The following ARPP21 variants were observed in gnomAD, a reference collection of about 807,000 sequenced individuals.
ARPP21 encodes cAMP-regulated phosphoprotein 21.
In ARPP21, 69 loss-of-function variants were observed where a neutral mutation model predicts 113.2. That is an observed-to-expected ratio of 0.61 (90% confidence interval 0.50 to 0.74). The LOEUF (loss-of-function observed/expected upper bound fraction) is 0.74. Among genes scored for constraint, ARPP21 ranks in the 30% least tolerant of loss-of-function variants. The pLI, the probability that ARPP21 is intolerant of heterozygous loss-of-function variation, is 0.00. For synonymous variants in ARPP21, 368 were observed against 375.5 expected (o/e 0.98, Z 0.23); for missense variants, 1,070 against 1,037.4 (o/e 1.03, Z -0.43).
At chr3:35,782,594 T>C (rs2151758187) in intron 19 of ARPP21, among the ~76,000 whole-genome samples, 1 of 152,220 alleles carries the variant, frequency 6.6e-6, no homozygotes, top group Non-Finnish European at 1.5e-5. Flanking sequence ...AGCTACTAGA[T>C]GATTCAGAGG....
At chr3:35,769,973 G>A (rs1202250909) in intron 19 of ARPP21, among the ~76,000 whole-genome samples, 2 of 152,116 alleles carry the variant, frequency 1.3e-5, no homozygotes, top group African/African-American at 2.4e-5. Flanking sequence ...ATGTAGCGAC[G>A]AAGAAGTTTC....
intron 1 of ARPP21, among the ~76,000 whole-genome samples, chr3:35,656,756 C>G (rs1387685579): frequency 2.0e-5 from 3 of 151,702 alleles, no homozygotes; most frequent in Non-Finnish European, 4.4e-5. Flanking sequence ...TAAATTTATA[C>G]AAGTGTTAAA....
At chr3:35,760,649 G>A (rs1382838170) in intron 19 of ARPP21, among the ~76,000 whole-genome samples, 5 of 152,006 alleles carry the variant, frequency 3.3e-5, no homozygotes, top group African/African-American at 4.8e-5. Flanking sequence ...GAATTTGGAG[G>A]CATTGTGAAA....
intron 11 of ARPP21, 60 bp downstream of exon 11, chr3:35,709,130 T>C (rs2090228833): frequency 1.7e-6 from 2 of 1,179,226 alleles, no homozygotes; most frequent in Admixed American, 3.6e-5. Flanking sequence ...TAAGGCTTCC[T>C]CATTCCCCAG....
At chr3:35,784,500 C>A (rs1263897914) in intron 19 of ARPP21, among the ~76,000 whole-genome samples, 1 of 152,156 alleles carries the variant, frequency 6.6e-6, no homozygotes, top group Non-Finnish European at 1.5e-5. Flanking sequence ...ATGCTATGTC[C>A]ATCAACCATG....
rs577157281 is a variant in ARPP21, at chr3:35,726,929, C to T, written c.1226-2374C>T. On this transcript the variant is annotated intron_variant, in intron 14 of 20. Transcript: ENST00000684406. ...GTTGACTCTAGTGTCAAATGTGTAA[C>T]GTAGCATCAAATTATACACAGCAGG... is the stretch of plus-strand genomic sequence containing the variant. 7.9e-4 allele frequency among the ~76,000 whole-genome samples: 120 copies of T among 152,154 alleles called. 2 individuals carry two copies. The highest frequency in any genetic ancestry group is 3.1e-4 in the African/African-American group (13 of 41,428).
In ARPP21 at chr3:35,686,316, A is replaced by T. The variant is rs554986801; in HGVS notation, c.262-1423A>T. ...TTTCTGTCCCAAACTGCAATAAATGACTCTATAATCAAATTACACTCAGGT... is the reference window on the plus strand; with the variant it reads ...TTTCTGTCCCAAACTGCAATAAATGTCTCTATAATCAAATTACACTCAGGT... On this transcript the variant is annotated intron_variant, in intron 5 of 20. Coordinates refer to ENST00000684406, the MANE Select transcript of ARPP21 (RefSeq NM_001385562.1). 1.1e-4 allele frequency among the ~76,000 whole-genome samples: 17 copies of T among 151,824 alleles called. No homozygotes were observed. In the South Asian group the frequency reaches 3.5e-3, roughly 31 times the overall value.
In ARPP21 at chr3:35,709,081, G is replaced by A; in HGVS notation, c.897+11G>A. On this transcript the variant is annotated intron_variant, in intron 11 of 20. Transcript: ENST00000684406. ...ATATTTGCACACGATGTGAGTAGTT[G>A]TTTTAATTGCCTCTTTAGTGCGCTC... 6.3e-7 allele frequency: 1 copy of A among 1,581,670 alleles called. No individual in the cohort carries two copies. The highest frequency in any genetic ancestry group is 8.7e-7 in the Non-Finnish European group (1 of 1,150,890).
chr3:35,709,107 C>A, intron 11 of ARPP21, 37 bp downstream of exon 11: 1 of 1,401,352 alleles, frequency 7.1e-7, no homozygotes, highest in East Asian at 2.3e-5. Context: ...TAGTGCGCTC[C>A]TTCCAACAGC....
rs2075252680 is a variant in ARPP21, at chr3:35,668,014, GAA to G, written c.-212-11772_-212-11771del. Among the ~76,000 whole-genome samples, 32 of 149,854 alleles carry G rather than the reference GAA, an allele frequency of 2.1e-4. 1 individual carries two copies. Among genetic ancestry groups the G allele is most frequent in the African/African-American group, 6.7e-4 (27 of 40,072 alleles). On this transcript the variant is annotated intron_variant, in intron 1 of 20. Coordinates refer to ENST00000684406, the MANE Select transcript of ARPP21 (RefSeq NM_001385562.1). ...AGAAGAAGAAGAAGAAGAAGAAGAA[GAA>G]GAAGAAGAAGAAGAAGGAGAAGAAG...
chr3:35,660,308 C>G (rs1414616202), intron 1 of ARPP21, among the ~76,000 whole-genome samples: 1 of 152,064 alleles, frequency 6.6e-6, no homozygotes. Flanking sequence ...AATGATCGGC[C>G]CAGCCACCAG....
chr3:35,645,485 A>G (rs1034386090), intron 1 of ARPP21, among the ~76,000 whole-genome samples: 1 of 151,938 alleles, frequency 6.6e-6, no homozygotes, highest in Non-Finnish European at 1.5e-5. Context: ...GAAGAATTGT[A>G]AAGTGTAATA....
chr3:35,778,980 T>C (rs904577822), intron 19 of ARPP21, among the ~76,000 whole-genome samples: 2 of 152,242 alleles, frequency 1.3e-5, no homozygotes, highest in African/African-American at 4.8e-5. Context: ...ACTACTAATA[T>C]GTATTTCTAA....
intron 19 of ARPP21, among the ~76,000 whole-genome samples, chr3:35,750,423 A>G (rs983765319): frequency 3.3e-5 from 5 of 152,156 alleles, no homozygotes; most frequent in Admixed American, 2.6e-4. Flanking sequence ...GTGATAGTTA[A>G]ATAACATATT....
At chr3:35,772,762 A>C (rs1485915552) in intron 19 of ARPP21, among the ~76,000 whole-genome samples, 1 of 152,144 alleles carries the variant, frequency 6.6e-6, no homozygotes. Flanking sequence ...CAGATTTATT[A>C]GTTGCAAATA....
At position 35,667,963 on chromosome 3, in the gene ARPP21, GAAGAAGAAGAAGAAGA is replaced by G. The variant is rs1371810251; in HGVS notation, c.-212-11822_-212-11807del. 7.6e-3 allele frequency among the ~76,000 whole-genome samples: 639 copies of G among 84,298 alleles called. 5 individuals are homozygous for G. The highest frequency in any genetic ancestry group is 0.013 in the Non-Finnish European group (507 of 40,204). 55.3% of individuals were successfully genotyped at this position (84,298 alleles called of 152,430 possible). On this transcript the variant is annotated intron_variant, in intron 1 of 20. Transcript: ENST00000684406. ...GAGAAGAAGAAAAGAAGAAGAAGAAGAAGAAGAAGAAGAAGAAGAAGAAGAAGAAGAAGAAGAAGAA... is the reference window on the plus strand; with the variant it reads ...GAGAAGAAGAAAAGAAGAAGAAGAAGAGAAGAAGAAGAAGAAGAAGAAGAA...
intron 19 of ARPP21, among the ~76,000 whole-genome samples, chr3:35,750,115 CTTT>C (rs57509420): frequency 4.3e-5 from 4 of 92,554 alleles, no homozygotes; most frequent in African/African-American, 1.2e-4. Flanking sequence ...GTTTATTTCG[CTTT>C]TTTTTTTTTT....
At position 35,681,819 on chromosome 3, in the gene ARPP21, C is replaced by A. The variant is rs751593887; in HGVS notation, c.68C>A (p.Thr23Asn). Residue 23 changes from threonine (T) to asparagine (N), a missense_variant, in exon 3 of 21, where the codon ACT (threonine) becomes AAT (asparagine). Physicochemically the swap from Thr to Asn is moderately conservative, Grantham distance 65. Transcript: ENST00000684406. ...GGAGGGACTGAGCAGGAGACGGCCACTCCAGAGAACGGCATTGTTAAATCA... is the reference window on the plus strand; with the variant it reads ...GGAGGGACTGAGCAGGAGACGGCCAATCCAGAGAACGGCATTGTTAAATCA... ...EEGGTEQETA[T>N]PENGIVKSES... 1 of 1,611,842 alleles carries A rather than the reference C, an allele frequency of 6.2e-7. No individual in the cohort carries two copies. Among genetic ancestry groups the A allele is most frequent in the Admixed American group, 1.7e-5 (1 of 59,840 alleles).
Position 35,663,527 on chromosome 3 carries a change from A to G in ARPP21, c.-212-16260A>G, listed in dbSNP as rs559083836. Among the ~76,000 whole-genome samples the G allele has an allele frequency of 1.1e-3, 165 of 152,332 alleles. 2 individuals are homozygous for G. Among genetic ancestry groups the G allele is most frequent in the Non-Finnish European group, 2.1e-3 (146 of 68,038 alleles). The stretch of plus-strand genomic sequence containing the variant: ...CCCCATGTATGCATCATGAAGCATC[A>G]GCATTTTGCCCTTCTTGTTCCAGAG... On this transcript the variant is annotated intron_variant, in intron 1 of 20. Coordinates refer to ENST00000684406, the MANE Select transcript of ARPP21 (RefSeq NM_001385562.1).
Sources: allele counts gnomAD v4.1 joint callset (sites outside exome capture counted in the v4.1 genomes callset), GRCh38; gene constraint gnomAD v4.1.1; transcripts MANE v1.5; gene names NCBI Gene and HGNC (gene_info 2026-07-23, HGNC 2026-07-21).